ARID2: variants seen among roughly 807,000 people sequenced by gnomAD.
ARID2 encodes AT-rich interactive domain-containing protein 2.
In ARID2, 32 loss-of-function variants were observed where a neutral mutation model predicts 184.6. The ratio of observed to expected loss-of-function variants is 0.17; its 90% confidence interval spans 0.13 to 0.23. ARID2 has a LOEUF of 0.23. Ranked by LOEUF, ARID2 falls within the 10% of genes least tolerant of loss-of-function variation. ARID2 has a pLI of 1.00. For synonymous variants in ARID2, 836 were observed against 772.6 expected, an observed-to-expected ratio of 1.08 and a Z score of -1.36; for missense variants, 1,696 against 2,197.6, an observed-to-expected ratio of 0.77 and a Z score of 4.56.
At chr12:45,841,734 A>G (rs1943345102) in intron 11 of ARID2, 1 of 152,192 alleles carries the variant, frequency 6.6e-6, no homozygotes, top group African/African-American at 2.4e-5. Context: ...TCTTGATACC[A>G]TCATTCATTT....
At position 45,735,019 on chromosome 12, in the gene ARID2, T is replaced by G. The variant is rs183358108; in HGVS notation, c.284+3705T>G. The stretch of plus-strand genomic sequence containing the variant: ...TCTGGCACTGAAATATTCATTTCTA[T>G]TTATATGTACCTACCTTTAGAATAG... On this transcript the variant is annotated intron_variant, in intron 3 of 20. Transcript: ENST00000334344. 5.3e-4 allele frequency among the ~76,000 whole-genome samples: 80 copies of G among 152,316 alleles called. 1 individual carries two copies. The East Asian group carries it at 0.014, about 27-fold the overall frequency.
intron 16 of ARID2, among the ~76,000 whole-genome samples, chr12:45,873,726 C>T (rs916234641): frequency 1.3e-5 from 2 of 152,128 alleles, no homozygotes; most frequent in African/African-American, 4.8e-5. Context: ...TGTGCAATAA[C>T]ATTTTGTCTA....
At chr12:45,783,505 G>A (rs939476381) in intron 3 of ARID2, among the ~76,000 whole-genome samples, 4 of 152,200 alleles carry the variant, frequency 2.6e-5, no homozygotes, top group Admixed American at 2.0e-4. Context: ...TGGCACCAGG[G>A]AACAGTTTTG....
chr12:45,822,888 C>T (rs1942925626), intron 6 of ARID2, among the ~76,000 whole-genome samples: 1 of 152,136 alleles, frequency 6.6e-6, no homozygotes, highest in East Asian at 1.9e-4. Flanking sequence ...GGACTTTACT[C>T]ACTTTCAGCA....
intron 16 of ARID2, among the ~76,000 whole-genome samples, chr12:45,889,391 A>C (rs1387624756): frequency 1.3e-5 from 2 of 152,056 alleles, no homozygotes; most frequent in East Asian, 3.8e-4. Flanking sequence ...TATACTCTTG[A>C]ATTTTCCCAG....
Position 45,796,732 on chromosome 12 carries a change from C to T in ARID2, c.285-14686C>T, listed in dbSNP as rs560949839. On this transcript the variant is annotated intron_variant, in intron 3 of 20. Transcript: ENST00000334344. ...TTTACCACATTGGCCAGGCTGGTCT[C>T]GAACTCCTAACCTTAAGTGATCTGC... 4.6e-5 allele frequency among the ~76,000 whole-genome samples: 7 copies of T among 152,176 alleles called. No individual in the cohort carries two copies. The South Asian group carries it at 8.3e-4, about 18-fold the overall frequency.
intron 16 of ARID2, among the ~76,000 whole-genome samples, chr12:45,864,867 G>T (rs1170744981): frequency 6.6e-6 from 1 of 152,158 alleles, no homozygotes; most frequent in Non-Finnish European, 1.5e-5. Context: ...AGGCAAGATA[G>T]ATGCTTGGAT....
At chr12:45,763,787 G>A (rs1005264101) in intron 3 of ARID2, among the ~76,000 whole-genome samples, 3 of 152,148 alleles carry the variant, frequency 2.0e-5, no homozygotes, top group Non-Finnish European at 2.9e-5. Flanking sequence ...CACTGTGCCT[G>A]GCTGATTGTT....
chr12:45,901,653 G>A (rs1239928828), intron 20 of ARID2, among the ~76,000 whole-genome samples: 2 of 151,682 alleles, frequency 1.3e-5, no homozygotes, highest in Admixed American at 1.3e-4. Context: ...TGAGGATTTG[G>A]GGGTTTGCTT....
intron 20 of ARID2, among the ~76,000 whole-genome samples, chr12:45,896,919 T>G (rs1215383963): frequency 6.6e-6 from 1 of 152,164 alleles, no homozygotes. Flanking sequence ...GTGATAATCT[T>G]ACTCAAAAAA....
chr12:45,883,910 A>G (rs542328236), intron 16 of ARID2, among the ~76,000 whole-genome samples: 11 of 152,296 alleles, frequency 7.2e-5, no homozygotes, highest in Non-Finnish European at 1.3e-4. Context: ...ACTTTGCGCT[A>G]TGTGCAGCTT....
At chr12:45,761,150 C>G (rs1426800245) in intron 3 of ARID2, among the ~76,000 whole-genome samples, 1 of 152,118 alleles carries the variant, frequency 6.6e-6, no homozygotes, top group Non-Finnish European at 1.5e-5. Context: ...CTTCAGTGTC[C>G]AAGTTGAATC....
chr12:45,816,432 TG>T (rs1942803684), intron 4 of ARID2, among the ~76,000 whole-genome samples: 1 of 152,206 alleles, frequency 6.6e-6, no homozygotes, highest in African/African-American at 2.4e-5. Context: ...TATTAAGTGC[TG>T]GCCAGGATGG....
At position 45,744,927 on chromosome 12, in the gene ARID2, C is replaced by T. The variant is rs1030364558; in HGVS notation, c.284+13613C>T. On this transcript the variant is annotated intron_variant, in intron 3 of 20. Coordinates refer to ENST00000334344, the MANE Select transcript of ARID2 (RefSeq NM_152641.4). ...TCCTAGTTCTGAGAATTGCTTGGAA[C>T]ATCCCTCCTTCTTTGGCCCCCTCTT... is the stretch of plus-strand genomic sequence containing the variant. Among the ~76,000 whole-genome samples the T allele has an allele frequency of 4.6e-5, 7 of 152,176 alleles. No individual in the cohort carries two copies. In the East Asian group the frequency reaches 1.3e-3, roughly 29 times the overall value.
chr12:45,774,149 T>G (rs1941932623), intron 3 of ARID2, among the ~76,000 whole-genome samples: 1 of 152,186 alleles, frequency 6.6e-6, no homozygotes, highest in African/African-American at 2.4e-5. Context: ...TTTAAAAATT[T>G]TAAATAAAAT....
chr12:45,868,424 A>C lies in ARID2; in HGVS notation c.4922+7475A>C, dbSNP rs541400752. Among the ~76,000 whole-genome samples, 104 of 152,202 alleles carry C rather than the reference A, an allele frequency of 6.8e-4. 6 individuals are homozygous for C. In the South Asian group the frequency reaches 0.021, roughly 30 times the overall value. The stretch of plus-strand genomic sequence containing the variant: ...CCACTGCACTCCAGCCTGGGTGACA[A>C]AGCGAGACTCTGTCTCAAAGAGGAA... On this transcript the variant is annotated intron_variant, in intron 16 of 20. Coordinates refer to ENST00000334344, the MANE Select transcript of ARID2 (RefSeq NM_152641.4).
rs186340233 is a variant in ARID2 at position 45,819,977 on chromosome 12, C to T, written c.638-1443C>T. On this transcript the variant is annotated intron_variant, in intron 5 of 20. Transcript: ENST00000334344. ...CAGGCCAATCTCAAACTCCTGTCCT[C>T]AAGTGATCTGCCCGCCTCGGCCTCC... Among the ~76,000 whole-genome samples, 563 of 152,178 alleles carry T rather than the reference C, an allele frequency of 3.7e-3. 2 individuals carry two copies. The highest frequency in any genetic ancestry group is 0.01 in the Middle Eastern group (3 of 294).
At chr12:45,781,357 A>G (rs1053129032) in intron 3 of ARID2, among the ~76,000 whole-genome samples, 2 of 2,094 alleles carry the variant, frequency 9.6e-4, no homozygotes, top group Non-Finnish European at 2.3e-3. Context: ...CTTGTGGCCC[A>G]TTGAAATGAG....
intron 14 of ARID2, 120 bp from the exon 15 acceptor site, chr12:45,849,916 T>C: frequency 7.0e-7 from 1 of 1,432,412 alleles, no homozygotes; most frequent in Non-Finnish European, 9.3e-7. Flanking sequence ...ACCATATTCA[T>C]ATGATTCAAA....
Sources: allele counts gnomAD v4.1 joint callset (sites outside exome capture counted in the v4.1 genomes callset), GRCh38; gene constraint gnomAD v4.1.1; transcripts MANE v1.5; gene names NCBI Gene and HGNC (gene_info 2026-07-23, HGNC 2026-07-21).